SPTAN1: variants seen among roughly 807,000 people sequenced by gnomAD.
SPTAN1 encodes the protein spectrin alpha chain, non-erythrocytic 1.
Under a neutral mutation model 331.3 loss-of-function variants are expected in SPTAN1, and 61 were observed. The observed-to-expected ratio is 0.18, with a 90% CI of 0.15 to 0.23. The LOEUF (loss-of-function observed/expected upper bound fraction) is 0.23, where lower values mean the gene tolerates loss of function less well. SPTAN1 is among the 10% of genes least tolerant of loss of function. SPTAN1 has a pLI of 1.00. For synonymous variants in SPTAN1, 1,153 were observed against 1,173.9 expected (o/e 0.98, Z 0.36); for missense variants, 2,043 against 3,147.9 (o/e 0.65, Z 8.40).
At chr9:128,581,968 A>G (rs1852001728) in intron 12 of SPTAN1, 76 bp downstream of exon 12, 2 of 1,113,032 alleles carry the variant, frequency 1.8e-6, no homozygotes, top group Non-Finnish European at 1.4e-6. Flanking sequence ...AAGGATTCCA[A>G]ACAGATTTGA....
chr9:128,627,831 C>T lies in SPTAN1; in HGVS notation c.6690-94C>T, dbSNP rs1331914397. 5 of 1,490,044 alleles carry T rather than the reference C, an allele frequency of 3.4e-6. No homozygotes were observed. Among genetic ancestry groups the T allele is most frequent in the Non-Finnish European group, 4.7e-6 (5 of 1,067,252 alleles). The allele number at this position is 1,490,044 out of a possible 1,614,324, so 92.3% of individuals were successfully genotyped here. ...GTACTGATGTTCTTGCTTTTGTTTT[C>T]CTTTCTTTCTTGTGTCTTCTCTCTG... is the stretch of plus-strand genomic sequence containing the variant. On this transcript the variant is annotated intron_variant, in intron 50 of 56. Coordinates refer to ENST00000372739, the MANE Select transcript of SPTAN1 (RefSeq NM_001130438.3). This position sits in a 1 kb window ranked among gnomAD's most constrained non-coding sequence, Gnocchi z 4.9.
intron 52 of SPTAN1, 28 bp downstream of exon 52, chr9:128,630,403 C>T (rs750537498): frequency 1.9e-6 from 3 of 1,611,180 alleles, no homozygotes; most frequent in Non-Finnish European, 2.5e-6. Context: ...TCTGGCCCAG[C>T]AGAGACCCTT....
At chr9:128,555,209 CAG>C (rs771431868) in intron 1 of SPTAN1, 1 of 513,158 alleles carries the variant, frequency 1.9e-6, no homozygotes, top group South Asian at 2.0e-5. Flanking sequence ...TACAGAATGT[CAG>C]AGAGAAGACA....
rs1230487550 is a variant in SPTAN1, at chr9:128,609,115, CTT to C, written c.4596-5_4596-4del. The C allele has an allele frequency of 1.2e-6, 2 of 1,614,092 alleles. No individual in the cohort carries two copies. Among genetic ancestry groups the C allele is most frequent in the Non-Finnish European group, 1.7e-6 (2 of 1,180,052 alleles). On this transcript the variant is annotated splice_region_variant and splice_polypyrimidine_tract_variant and intron_variant, in intron 35 of 56. Transcript: ENST00000372739. ...TCATGTTGGATCTCATGGTTTCACT[CTT>C]TCAGGTGGCGACGTCTGAAAGCCCA... is the stretch of plus-strand genomic sequence containing the variant.
In SPTAN1 at chr9:128,586,112, GTTTTTTTTT is replaced by G. The variant is rs35434571; in HGVS notation, c.2778+164_2778+172del. 82 of 266,136 alleles carry G rather than the reference GTTTTTTTTT, an allele frequency of 3.1e-4. No individual in the cohort carries two copies. In the East Asian group the frequency reaches 4.4e-3, roughly 14 times the overall value. 16.5% of individuals were successfully genotyped at this position (266,136 alleles called of 1,614,324 possible). A position where few individuals can be genotyped will look rare whatever the true frequency, so the allele number is the denominator to read the frequency against. ...TGTTTTGGAATCCATTTTTCACTTG[GTTTTTTTTT>G]TTTTTTTTTTTTTTTTGGAGACAGA... On this transcript the variant is annotated intron_variant, in intron 19 of 56. Coordinates refer to ENST00000372739, the MANE Select transcript of SPTAN1 (RefSeq NM_001130438.3).
At chr9:128,604,274 G>A in intron 28 of SPTAN1, 52 bp from the exon 29 acceptor site, 1 of 1,569,832 alleles carries the variant, frequency 6.4e-7, no homozygotes, top group Non-Finnish European at 8.8e-7. Flanking sequence ...GTCTGACTGG[G>A]GGCATGACAG....
At chr9:128,624,973 C>A in intron 46 of SPTAN1, 130 bp from the exon 47 acceptor site, 1 of 882,108 alleles carries the variant, frequency 1.1e-6, no homozygotes, top group Non-Finnish European at 1.9e-6. Flanking sequence ...AATGTGGGTT[C>A]TGAGGCTGTA....
At chr9:128,599,343 C>T in intron 26 of SPTAN1, 3 of 326,332 alleles carry the variant, frequency 9.2e-6, no homozygotes, top group South Asian at 8.4e-5. Flanking sequence ...CCATGTTGTC[C>T]AGGCTGGTCT....
chr9:128,606,338 G>A (rs1214661955), intron 31 of SPTAN1, among the ~76,000 whole-genome samples: 41 of 107,296 alleles, frequency 3.8e-4, no homozygotes, highest in South Asian at 2.1e-3. Context: ...TCGCACCACC[G>A]TACTCTAGCC....
rs556768672 is a variant in SPTAN1, at chr9:128,628,291, C to G, written c.6707+349C>G. 2.8e-5 allele frequency: 12 copies of G among 428,398 alleles called. No individual in the cohort carries two copies. The East Asian group carries it at 6.2e-4, about 22-fold the overall frequency. 26.5% of individuals were successfully genotyped at this position (428,398 alleles called of 1,614,324 possible). On this transcript the variant is annotated intron_variant, in intron 51 of 56. Coordinates refer to ENST00000372739, the MANE Select transcript of SPTAN1 (RefSeq NM_001130438.3). ...TGTCCAGCCACCGGGCTCTGTTGGG[C>G]TCTCACCTCTGCTTCCCCAGCGAGT...
At chr9:128,553,775 AT>A (rs1230379663) in intron 1 of SPTAN1, among the ~76,000 whole-genome samples, 1 of 152,202 alleles carries the variant, frequency 6.6e-6, no homozygotes. Flanking sequence ...TCATCATGTT[AT>A]TTTAGAAAAA....
At chr9:128,562,776 A>G (rs1849524719) in intron 1 of SPTAN1, among the ~76,000 whole-genome samples, 1 of 151,786 alleles carries the variant, frequency 6.6e-6, no homozygotes, top group South Asian at 2.1e-4. Flanking sequence ...CATCCTGGCT[A>G]GCACGGTGAA....
In SPTAN1 at chr9:128,607,586, T is replaced by G. The variant is rs768169689; in HGVS notation, c.4047-18T>G. The G allele has an allele frequency of 7.5e-6, 12 of 1,605,260 alleles. No homozygotes were observed. Among genetic ancestry groups the G allele is most frequent in the African/African-American group, 2.7e-5 (2 of 74,770 alleles). ...CCAGGTAATATAATAGCTATTTTTC[T>G]GGGGTGCTGGTTTCCAGGGACCTCA... On this transcript the variant is annotated intron_variant, in intron 31 of 56. Transcript: ENST00000372739.
chr9:128,572,601 T>C (rs1359427108), intron 3 of SPTAN1, among the ~76,000 whole-genome samples: 2 of 152,240 alleles, frequency 1.3e-5, no homozygotes, highest in Non-Finnish European at 2.9e-5. Context: ...AATCTTTTAC[T>C]TTCATGCTCA....
At chr9:128,569,755 T>C (rs1850438860) in intron 3 of SPTAN1, among the ~76,000 whole-genome samples, 1 of 152,064 alleles carries the variant, frequency 6.6e-6, no homozygotes. Context: ...CAGCTAGAAC[T>C]GTTTTGTCTC....
chr9:128,590,363 C>G (rs890206463), intron 21 of SPTAN1, among the ~76,000 whole-genome samples: 2 of 152,016 alleles, frequency 1.3e-5, no homozygotes, highest in African/African-American at 4.8e-5. Flanking sequence ...TGATAGTAAG[C>G]CCTTAAAATA....
At chr9:128,603,451 A>G in intron 27 of SPTAN1, 92 bp from the exon 28 acceptor site, 2 of 1,427,858 alleles carry the variant, frequency 1.4e-6, no homozygotes, top group East Asian at 4.5e-5. Flanking sequence ...ATTTGGGTTA[A>G]TCACAGGGAC....
intron 24 of SPTAN1, among the ~76,000 whole-genome samples, chr9:128,595,255 A>T (rs1854116487): frequency 6.6e-6 from 1 of 152,068 alleles, no homozygotes; most frequent in Non-Finnish European, 1.5e-5. Context: ...GATTACAGGT[A>T]CGCACGACCA....
intron 3 of SPTAN1, 26 bp downstream of exon 3, chr9:128,568,923 G>A (rs574212968): frequency 1.2e-6 from 2 of 1,613,614 alleles, no homozygotes; most frequent in African/African-American, 2.7e-5. Flanking sequence ...TCGTGGAGTG[G>A]ATGGCTTCAT....
Sources: allele counts gnomAD v4.1 joint callset (sites outside exome capture counted in the v4.1 genomes callset), GRCh38; gene constraint gnomAD v4.1.1; non-coding constraint Gnocchi (gnomAD v3.1); transcripts MANE v1.5; gene names NCBI Gene and HGNC (gene_info 2026-07-23, HGNC 2026-07-21).